The following LRP1B variants were observed in gnomAD, a reference collection of about 807,000 sequenced individuals.
The protein encoded by LRP1B is low-density lipoprotein receptor-related protein 1B.
Under a neutral mutation model 556.6 loss-of-function variants are expected in LRP1B, and 217 were observed. The ratio of observed to expected loss-of-function variants is 0.39; its 90% confidence interval spans 0.35 to 0.44. The LOEUF is 0.44. LRP1B is among the 20% of genes least tolerant of loss of function. LRP1B has a pLI of 1.00. For synonymous variants in LRP1B, 2,047 were observed against 1,865.8 expected (o/e 1.10, Z -2.50); for missense variants, 5,053 against 5,620.8 (o/e 0.90, Z 3.23).
chr2:140,570,423 A>C (rs1258929596), intron 43 of LRP1B, among the ~76,000 whole-genome samples: 1 of 151,654 alleles, frequency 6.6e-6, no homozygotes, highest in African/African-American at 2.4e-5. Flanking sequence ...TGGAAAACCT[A>C]ACAGAAAGGG....
intron 2 of LRP1B, among the ~76,000 whole-genome samples, chr2:141,808,513 C>A (rs1281343473): frequency 6.6e-6 from 1 of 152,018 alleles, no homozygotes. Flanking sequence ...TGTTGTTTTT[C>A]CACATTCCTA....
At chr2:140,963,973 C>T (rs924385648) in intron 18 of LRP1B, among the ~76,000 whole-genome samples, 5 of 152,094 alleles carry the variant, frequency 3.3e-5, no homozygotes, top group African/African-American at 9.7e-5. Context: ...GGGACCACTA[C>T]CACCAATGCG....
chr2:141,368,533 T>A (rs962869744), intron 3 of LRP1B, among the ~76,000 whole-genome samples: 1 of 152,222 alleles, frequency 6.6e-6, no homozygotes, highest in South Asian at 2.1e-4. Flanking sequence ...AAATATTGCA[T>A]TGTATAATAT....
chr2:142,113,974 A>G (rs932883073), intron 1 of LRP1B, among the ~76,000 whole-genome samples: 5 of 152,100 alleles, frequency 3.3e-5, no homozygotes, highest in Non-Finnish European at 7.4e-5. Flanking sequence ...ATCTCTTTCT[A>G]TAGAGCAGTA....
chr2:140,570,408 C>T (rs1418134579), intron 43 of LRP1B, among the ~76,000 whole-genome samples: 2 of 151,338 alleles, frequency 1.3e-5, no homozygotes, highest in African/African-American at 4.8e-5. Context: ...TACATACTGA[C>T]AAATTGGAAA....
chr2:141,021,315 A>G (rs965392447), intron 11 of LRP1B, among the ~76,000 whole-genome samples: 1 of 152,138 alleles, frequency 6.6e-6, no homozygotes, highest in Non-Finnish European at 1.5e-5. Context: ...GCTAATCAAC[A>G]TGTGTTGTGA....
At chr2:140,706,827 A>AT (rs1686855227) in intron 37 of LRP1B, among the ~76,000 whole-genome samples, 1 of 12,692 alleles carries the variant, frequency 7.9e-5, no homozygotes, top group Admixed American at 1.7e-3. Context: ...TTCAGGAAAA[A>AT]CTTTTTTTTT....
At chr2:140,648,792 A>G (rs1052287142) in intron 41 of LRP1B, among the ~76,000 whole-genome samples, 3 of 152,152 alleles carry the variant, frequency 2.0e-5, no homozygotes, top group Non-Finnish European at 2.9e-5. Flanking sequence ...GTCCTTAGAG[A>G]CAGAATACGA....
intron 66 of LRP1B, among the ~76,000 whole-genome samples, chr2:140,414,128 C>T (rs995911617): frequency 2.0e-5 from 3 of 152,080 alleles, no homozygotes; most frequent in Non-Finnish European, 4.4e-5. Context: ...GTTGCCCAGA[C>T]TGGTCTCAAA....
chr2:140,447,451 T>C (rs546814776), intron 63 of LRP1B, among the ~76,000 whole-genome samples: 3 of 152,214 alleles, frequency 2.0e-5, no homozygotes, highest in Admixed American at 6.5e-5. Context: ...TACTGTAGTC[T>C]ATTAAGTGTG....
intron 84 of LRP1B, among the ~76,000 whole-genome samples, chr2:140,284,961 T>C (rs1171007797): frequency 6.6e-6 from 1 of 150,674 alleles, no homozygotes; most frequent in African/African-American, 2.4e-5. Flanking sequence ...TAACTAGATA[T>C]CTATCTCTAT....
chr2:141,306,826 G>T (rs1006799626), intron 3 of LRP1B, among the ~76,000 whole-genome samples: 1 of 151,910 alleles, frequency 6.6e-6, no homozygotes, highest in African/African-American at 2.4e-5. Context: ...TTTCATTTAA[G>T]AAATTTTTTT....
At chr2:141,167,269 T>C (rs549261217) in intron 7 of LRP1B, 48 of 152,036 alleles carry the variant, frequency 3.2e-4, no homozygotes, top group African/African-American at 7.7e-4. Context: ...ATGTATGGGA[T>C]GCCTCACAAA....
chr2:141,524,964 A>G (rs1179695401), intron 2 of LRP1B, among the ~76,000 whole-genome samples: 1 of 152,178 alleles, frequency 6.6e-6, no homozygotes, highest in African/African-American at 2.4e-5. Context: ...ACCATGTCTT[A>G]TCACGTGACA....
intron 2 of LRP1B, among the ~76,000 whole-genome samples, chr2:141,635,361 A>T (rs111338209): frequency 6.3e-4 from 96 of 152,264 alleles, no homozygotes; most frequent in African/African-American, 2.2e-3. Context: ...GTAAGTGAAT[A>T]AAAGCATTCA....
At chr2:140,811,282 T>C (rs1272930837) in intron 32 of LRP1B, among the ~76,000 whole-genome samples, 3 of 152,174 alleles carry the variant, frequency 2.0e-5, no homozygotes, top group East Asian at 1.9e-4. Flanking sequence ...TCAACAAACC[T>C]AACATCTTTA....
intron 56 of LRP1B, among the ~76,000 whole-genome samples, chr2:140,495,014 C>T (rs1688855985): frequency 6.6e-6 from 1 of 151,934 alleles, no homozygotes; most frequent in South Asian, 2.1e-4. Flanking sequence ...AAGTTATGGG[C>T]CATGCTTTAT....
intron 43 of LRP1B, among the ~76,000 whole-genome samples, chr2:140,569,729 C>A (rs1278152170): frequency 6.6e-6 from 1 of 151,788 alleles, no homozygotes; most frequent in African/African-American, 2.4e-5. Flanking sequence ...TATGCAACAG[C>A]TACAGAATAA....
rs529879115 is a variant in LRP1B, at chr2:140,980,828, T to C, written c.2887+1332A>G. ...GCAGCACAATTTGCAATTGCAAAGA[T>C]ACTGAACCAACCTTAGTGCCCATCC... On this transcript the variant is annotated intron_variant, in intron 18 of 90. Coordinates refer to ENST00000389484, the MANE Select transcript of LRP1B (RefSeq NM_018557.3). 3.3e-4 allele frequency among the ~76,000 whole-genome samples: 51 copies of C among 152,326 alleles called. 1 individual carries two copies. The highest frequency in any genetic ancestry group is 2.7e-3 in the Admixed American group (42 of 15,294).
Sources: allele counts gnomAD v4.1 joint callset (sites outside exome capture counted in the v4.1 genomes callset), GRCh38; gene constraint gnomAD v4.1.1; transcripts MANE v1.5; gene names NCBI Gene and HGNC (gene_info 2026-07-23, HGNC 2026-07-21).